MIA2: variants seen among roughly 807,000 people sequenced by gnomAD.
The protein encoded by MIA2 is MIA SH3 domain ER export factor 2.
MIA2 carries 127 observed loss-of-function variants against 167.8 expected under a neutral mutation model. That is an observed-to-expected ratio of 0.76 (90% CI 0.66 to 0.88). The LOEUF (loss-of-function observed/expected upper bound fraction) is 0.88, where lower values mean the gene tolerates loss of function less well. Ranked by LOEUF, MIA2 falls within the 40% of genes least tolerant of loss-of-function variation. The pLI, the probability that MIA2 is intolerant of heterozygous loss-of-function variation, is 0.00. For synonymous variants in MIA2, 552 were observed against 541.9 expected, an observed-to-expected ratio of 1.02 and a Z score of -0.26; for missense variants, 1,690 against 1,624.7, an observed-to-expected ratio of 1.04 and a Z score of -0.69.
Position 39,299,913 on chromosome 14 carries a change from A to T in MIA2, c.2546A>T (p.Lys849Ile), listed in dbSNP as rs560126066. Reference sequence around the variant, plus strand: ...AAAGAACAAGTGAGTGAACTTAATAAACAGAAAGTAACATTTGAAGACTCC... The same window carrying T: ...AAAGAACAAGTGAGTGAACTTAATATACAGAAAGTAACATTTGAAGACTCC... ...VWKEQVSELN[K>I]QKVTFEDSKV... Residue 849 changes from lysine to isoleucine, a missense_variant, in exon 14 of 29, where the codon AAA becomes ATA. Coordinates refer to ENST00000640607, the MANE Select transcript of MIA2 (RefSeq NM_001329214.4). 6.2e-7 allele frequency: 1 copy of T among 1,609,584 alleles called. No homozygotes were observed.
intron 25 of MIA2, among the ~76,000 whole-genome samples, chr14:39,339,137 T>G (rs2071184199): frequency 6.6e-6 from 1 of 152,180 alleles, no homozygotes; most frequent in Admixed American, 6.5e-5. Context: ...CAGTTCACAG[T>G]AGGGTTTGCG....
At chr14:39,343,599 TTCTTA>T (rs1313141639) in intron 25 of MIA2, among the ~76,000 whole-genome samples, 1 of 152,200 alleles carries the variant, frequency 6.6e-6, no homozygotes, top group Non-Finnish European at 1.5e-5. Flanking sequence ...ATTCATTTTT[TTCTTA>T]TCTTTTTTTC....
intron 20 of MIA2, chr14:39,315,007 G>T (rs1482215649): frequency 1.5e-5 from 6 of 407,038 alleles, no homozygotes; most frequent in Middle Eastern, 1.3e-3. Context: ...TATTGGCTGG[G>T]TGCAGTGGCT....
At chr14:39,281,500 C>G (rs2058933660) in intron 9 of MIA2, among the ~76,000 whole-genome samples, 1 of 151,924 alleles carries the variant, frequency 6.6e-6, no homozygotes, top group South Asian at 2.1e-4. Flanking sequence ...CATCTCTTGC[C>G]TTTTTCAGTT....
intron 23 of MIA2, among the ~76,000 whole-genome samples, chr14:39,357,046 G>C (rs1403605978): frequency 6.6e-6 from 1 of 152,204 alleles, no homozygotes; most frequent in Non-Finnish European, 1.5e-5. Flanking sequence ...CGGGTGGAGA[G>C]TTCTGTAGAT....
At chr14:39,332,880 G>C (rs926355994) in intron 25 of MIA2, among the ~76,000 whole-genome samples, 2 of 152,048 alleles carry the variant, frequency 1.3e-5, no homozygotes, top group African/African-American at 4.8e-5. Context: ...TCTTGCCTGG[G>C]AATCAACAAT....
At chr14:39,271,735 G>A (rs1475836650) in intron 6 of MIA2, among the ~76,000 whole-genome samples, 1 of 151,812 alleles carries the variant, frequency 6.6e-6, no homozygotes, top group Non-Finnish European at 1.5e-5. Flanking sequence ...TTCAAGACCA[G>A]CCCGGGCAAC....
intron 18 of MIA2, among the ~76,000 whole-genome samples, 178 bp downstream of exon 18, chr14:39,308,765 T>C (rs572874505): frequency 2.1e-4 from 32 of 152,180 alleles, no homozygotes; most frequent in Non-Finnish European, 4.4e-4. Context: ...ACAAAGAAAA[T>C]ATTGTAAGTG....
intron 25 of MIA2, among the ~76,000 whole-genome samples, chr14:39,336,715 C>G (rs1294473878): frequency 6.6e-6 from 1 of 152,160 alleles, no homozygotes; most frequent in Non-Finnish European, 1.5e-5. Context: ...CTGGTTTTCA[C>G]TCCTTTATCT....
chr14:39,276,749 A>C (rs996580252), intron 6 of MIA2, 185 bp from the exon 7 acceptor site: 1 of 562,328 alleles, frequency 1.8e-6, no homozygotes, highest in Admixed American at 3.2e-5. Context: ...GCATTTCACC[A>C]TACTGCTGTT....
rs373581392 is a variant in MIA2, at chr14:39,344,394, T to C, written c.3656-1510T>C. On this transcript the variant is annotated intron_variant, in intron 25 of 28. Coordinates refer to ENST00000640607, the MANE Select transcript of MIA2 (RefSeq NM_001329214.4). ...GAGTTTAGATCTCAGTGATTGGTAT[T>C]GACCTTTTCTTTCATTAGGCTAACT... 5.6e-4 allele frequency among the ~76,000 whole-genome samples: 85 copies of C among 152,278 alleles called. 1 individual carries two copies. In the South Asian group the frequency reaches 0.017, roughly 31 times the overall value.
At chr14:39,347,283 C>T (rs72675450) in intron 26 of MIA2, among the ~76,000 whole-genome samples, 5,942 of 152,072 alleles carry the variant, frequency 0.039, 153 homozygotes, top group Non-Finnish European at 0.066. Context: ...TAACAAAGTT[C>T]GGGAACATTT....
chr14:39,317,859 T>A, intron 21 of MIA2, 85 bp from the exon 22 acceptor site: 14 of 854,186 alleles, frequency 1.6e-5, no homozygotes, highest in Non-Finnish European at 2.4e-5. Context: ...TTTTAAGAAA[T>A]TTAATGAATG....
intron 23 of MIA2, among the ~76,000 whole-genome samples, chr14:39,361,747 A>G (rs1038221964): frequency 2.6e-5 from 4 of 152,022 alleles, no homozygotes; most frequent in Non-Finnish European, 5.9e-5. Context: ...GCCTTTTAGT[A>G]CTATATTTGA....
intron 23 of MIA2, among the ~76,000 whole-genome samples, chr14:39,370,998 G>C (rs1289609630): frequency 6.6e-6 from 1 of 152,106 alleles, no homozygotes; most frequent in East Asian, 1.9e-4. Flanking sequence ...CTTTTGAATT[G>C]TTGTAATTAT....
chr14:39,381,777 G>A (rs2075168846), intron 23 of MIA2, among the ~76,000 whole-genome samples: 1 of 151,338 alleles, frequency 6.6e-6, no homozygotes, highest in Non-Finnish European at 1.5e-5. Context: ...AAGTCAGGTA[G>A]AGTTGGTCAA....
At chr14:39,303,149 A>G (rs1486232091) in intron 15 of MIA2, among the ~76,000 whole-genome samples, 1 of 152,106 alleles carries the variant, frequency 6.6e-6, no homozygotes, top group African/African-American at 2.4e-5. Flanking sequence ...TTGGGTTATA[A>G]TTTTACTCAT....
intron 28 of MIA2, among the ~76,000 whole-genome samples, chr14:39,349,391 C>A (rs2074060961): frequency 6.6e-6 from 1 of 152,096 alleles, no homozygotes; most frequent in South Asian, 2.1e-4. Flanking sequence ...CTGATGCAGT[C>A]CTACTTATTT....
At chr14:39,386,632 C>G in intron 23 of MIA2, 1 of 1,016,702 alleles carries the variant, frequency 9.8e-7, no homozygotes, top group Non-Finnish European at 1.5e-6. Context: ...TTTTGGCTGG[C>G]AGTCTGATCT....
Sources: gnomAD v4.1 joint callset for allele counts (sites outside exome capture counted in the v4.1 genomes callset) on GRCh38, gnomAD v4.1.1 for gene constraint, MANE v1.5 for transcripts, NCBI Gene and HGNC (gene_info 2026-07-23, HGNC 2026-07-21) for gene names.